Variants in TPST1 observed in about 807,000 individuals in gnomAD.
TPST1 encodes the protein tyrosylprotein sulfotransferase 1, also known as protein-tyrosine sulfotransferase 1.
Under a neutral mutation model 34.8 loss-of-function variants are expected in TPST1, and 20 were observed. That is an observed-to-expected ratio of 0.57 (90% CI 0.40 to 0.84). The LOEUF is 0.84. Ranked by LOEUF, TPST1 falls within the 40% of genes least tolerant of loss-of-function variation. The pLI is 0.00. For synonymous variants in TPST1, 152 were observed against 159.4 expected, an observed-to-expected ratio of 0.95 and a Z score of 0.35; for missense variants, 353 against 455.5, an observed-to-expected ratio of 0.78 and a Z score of 2.05.
intron 3 of TPST1, among the ~76,000 whole-genome samples, chr7:66,305,411 G>C (rs1209259568): frequency 6.6e-6 from 1 of 152,054 alleles, no homozygotes. Flanking sequence ...ACCAATAAAT[G>C]GCCATATTGT....
At chr7:66,206,954 G>A (rs966738473) in intron 1 of TPST1, among the ~76,000 whole-genome samples, 2 of 152,066 alleles carry the variant, frequency 1.3e-5, no homozygotes, top group African/African-American at 4.8e-5. Flanking sequence ...CCAAACACTC[G>A]CTCTTGGAGG....
At chr7:66,255,707 A>G (rs140721967) in intron 2 of TPST1, among the ~76,000 whole-genome samples, 155 of 152,326 alleles carry the variant, frequency 1.0e-3, no homozygotes, top group African/African-American at 3.5e-3. Context: ...TGTTATTTGA[A>G]TTTTCATTCT....
intron 1 of TPST1, among the ~76,000 whole-genome samples, chr7:66,212,307 G>A (rs550224089): frequency 2.0e-5 from 3 of 152,240 alleles, no homozygotes; most frequent in South Asian, 2.1e-4. Context: ...AAGGAAGTAA[G>A]GAATATGCCT....
chr7:66,261,845 A>C (rs1466646123), intron 2 of TPST1, among the ~76,000 whole-genome samples: 1 of 152,180 alleles, frequency 6.6e-6, no homozygotes, highest in Non-Finnish European at 1.5e-5. Context: ...ATGCATTAAT[A>C]ATATGTAAAG....
chr7:66,286,824 T>TTTTTTTGG, intron 3 of TPST1, 115 bp downstream of exon 3: 1 of 624,680 alleles, frequency 1.6e-6, no homozygotes, highest in Non-Finnish European at 2.2e-6. Context: ...TATATTTTTT[T>TTTTTTTGG]TTTTTTTCAT....
intron 1 of TPST1, among the ~76,000 whole-genome samples, chr7:66,233,929 T>C (rs1265415455): frequency 5.9e-5 from 9 of 152,164 alleles, no homozygotes; most frequent in African/African-American, 2.2e-4. Flanking sequence ...TGGCGTGATC[T>C]TGGTTCACTG....
chr7:66,199,714 T>TC, the TPST1 span, among the ~76,000 whole-genome samples: 107 of 51,354 alleles, frequency 2.1e-3, no homozygotes, highest in Non-Finnish European at 3.1e-3. Flanking sequence ...TGCATTTGTG[T>TC]CCCTTTTTTT....
intron 4 of TPST1, 135 bp from the exon 5 acceptor site, chr7:66,356,690 T>G: frequency 2.1e-6 from 2 of 944,822 alleles, no homozygotes; most frequent in South Asian, 3.0e-5. Context: ...TTCTTGAGCA[T>G]ACCACAGTAG....
At chr7:66,294,869 T>A (rs1791160968) in intron 3 of TPST1, among the ~76,000 whole-genome samples, 1 of 152,176 alleles carries the variant, frequency 6.6e-6, no homozygotes, top group South Asian at 2.1e-4. Flanking sequence ...CTTTTAATAT[T>A]CACGAGCATT....
At chr7:66,345,454 A>C (rs564437378) in intron 3 of TPST1, among the ~76,000 whole-genome samples, 1 of 135,676 alleles carries the variant, frequency 7.4e-6, no homozygotes, top group African/African-American at 2.8e-5. Context: ...GCACCACTGC[A>C]CTCCAGCTTG....
intron 2 of TPST1, among the ~76,000 whole-genome samples, chr7:66,259,752 T>C (rs1475782081): frequency 6.6e-6 from 1 of 152,218 alleles, no homozygotes; most frequent in Non-Finnish European, 1.5e-5. Context: ...GAATTTATAT[T>C]GACACATTAT....
At chr7:66,213,266 T>C (rs1789302266) in intron 1 of TPST1, among the ~76,000 whole-genome samples, 1 of 152,194 alleles carries the variant, frequency 6.6e-6, no homozygotes. Flanking sequence ...TTGTCTGTTG[T>C]TTAGATTGGG....
chr7:66,212,159 G>A (rs1202480663), intron 1 of TPST1, among the ~76,000 whole-genome samples: 1 of 152,110 alleles, frequency 6.6e-6, no homozygotes, highest in Admixed American at 6.6e-5. Flanking sequence ...AAGGTATATC[G>A]ATCTTGTATC....
intron 2 of TPST1, among the ~76,000 whole-genome samples, chr7:66,278,191 G>A (rs953619309): frequency 2.0e-5 from 3 of 149,766 alleles, no homozygotes; most frequent in African/African-American, 7.4e-5. Context: ...GAGTTAATGA[G>A]AAGTGGCCAG....
chr7:66,295,604 G>A (rs1012921594), intron 3 of TPST1, among the ~76,000 whole-genome samples: 2 of 152,188 alleles, frequency 1.3e-5, no homozygotes, highest in Admixed American at 6.5e-5. Flanking sequence ...ATTGATTAAT[G>A]TAATTGAACA....
intron 4 of TPST1, among the ~76,000 whole-genome samples, chr7:66,355,338 C>T (rs180952915): frequency 2.0e-5 from 3 of 150,154 alleles, no homozygotes; most frequent in Admixed American, 6.6e-5. Flanking sequence ...ATTAGCTGGG[C>T]GTGTTGGGCA....
intron 3 of TPST1, 45 bp from the exon 4 acceptor site, chr7:66,352,460 G>C: frequency 6.2e-7 from 1 of 1,605,488 alleles, no homozygotes; most frequent in Non-Finnish European, 8.5e-7. Flanking sequence ...CAATGATGGG[G>C]ACTGGACCTG....
intron 2 of TPST1, among the ~76,000 whole-genome samples, chr7:66,263,125 TAAAAA>T (rs569475161): frequency 3.3e-4 from 50 of 150,994 alleles, no homozygotes; most frequent in African/African-American, 4.4e-4. Flanking sequence ...AATAAAAAAA[TAAAAA>T]AATAAAATAA....
At chr7:66,335,025 C>G (rs1299080275) in intron 3 of TPST1, among the ~76,000 whole-genome samples, 1 of 152,232 alleles carries the variant, frequency 6.6e-6, no homozygotes, top group East Asian at 1.9e-4. Flanking sequence ...TCTAATTAGC[C>G]GAGACACCCT....
Sources: gnomAD v4.1 joint callset for allele counts (sites outside exome capture counted in the v4.1 genomes callset) on GRCh38, gnomAD v4.1.1 for gene constraint, MANE v1.5 for transcripts, NCBI Gene and HGNC (gene_info 2026-07-23, HGNC 2026-07-21) for gene names.